Variants in RAP1GAP2 observed in about 807,000 individuals in gnomAD.
RAP1GAP2 encodes the protein RAP1 GTPase activating protein 2, also known as rap1 GTPase-activating protein 2.
RAP1GAP2 carries 27 observed loss-of-function variants against 95.0 expected under a neutral mutation model. The ratio of observed to expected loss-of-function variants is 0.28; its 90% CI spans 0.21 to 0.39. RAP1GAP2 has a LOEUF of 0.39. RAP1GAP2 is among the 10% of genes least tolerant of loss of function. The pLI, the probability that RAP1GAP2 is intolerant of heterozygous loss-of-function variation, is 1.00. For missense variants in RAP1GAP2, 771 were observed against 970.0 expected (o/e 0.79, Z 2.72); for synonymous variants, 373 against 380.9 (o/e 0.98, Z 0.24).
At chr17:3,017,820 C>T (rs553992733) in intron 17 of RAP1GAP2, among the ~76,000 whole-genome samples, 28 of 152,196 alleles carry the variant, frequency 1.8e-4, no homozygotes, top group African/African-American at 4.6e-4. Context: ...TCCCTCCAGC[C>T]GGGGCTGTGC....
At chr17:2,953,279 G>C (rs1202177814) in intron 3 of RAP1GAP2, among the ~76,000 whole-genome samples, 3 of 151,828 alleles carry the variant, frequency 2.0e-5, no homozygotes, top group Non-Finnish European at 4.4e-5. Flanking sequence ...GCTCACTGCA[G>C]CCTTGAACTC....
chr17:2,852,512 AGTCCCTCTCCCCTCTCCACCCAGCATG>A (rs1401593352), intron 2 of RAP1GAP2, among the ~76,000 whole-genome samples: 1 of 152,170 alleles, frequency 6.6e-6, no homozygotes, highest in African/African-American at 2.4e-5. Context: ...ATTCGTTTGC[AGTCCCTCTCCCCTCTCCACCCAGCATG>A]GTCCCCTCCC....
In RAP1GAP2 at chr17:3,020,612, C is replaced by G. The variant is rs774413687; in HGVS notation, c.1751+17C>G. On this transcript the variant is annotated intron_variant, in intron 19 of 24. Coordinates refer to ENST00000254695, the MANE Select transcript of RAP1GAP2 (RefSeq NM_015085.5). ...GGCACGATGGTAACTGTTGGGAAAC[C>G]CCTACCCCAGCCTGACTTGCGGGGT... The G allele has an allele frequency of 1.2e-6, 2 of 1,608,416 alleles. No individual in the cohort carries two copies. Among genetic ancestry groups the G allele is most frequent in the African/African-American group, 1.3e-5 (1 of 74,850 alleles).
intron 19 of RAP1GAP2, among the ~76,000 whole-genome samples, chr17:3,022,638 T>A (rs572875291): frequency 1.3e-5 from 2 of 152,378 alleles, no homozygotes; most frequent in Admixed American, 1.3e-4. Context: ...TATTAATCCT[T>A]GTTGGATGGA....
At chr17:2,888,207 G>A (rs2073568144) in intron 2 of RAP1GAP2, among the ~76,000 whole-genome samples, 2 of 152,172 alleles carry the variant, frequency 1.3e-5, no homozygotes, top group Non-Finnish European at 2.9e-5. Flanking sequence ...TGTATACAAT[G>A]TGTAATCATC....
chr17:2,882,690 A>G (rs971087784), intron 2 of RAP1GAP2, among the ~76,000 whole-genome samples: 13 of 152,084 alleles, frequency 8.5e-5, no homozygotes, highest in African/African-American at 2.9e-4. Flanking sequence ...TTCCTGGAGA[A>G]TGGGTTGCTC....
chr17:2,854,721 TG>T (rs1381679099), intron 2 of RAP1GAP2, among the ~76,000 whole-genome samples: 1 of 152,114 alleles, frequency 6.6e-6, no homozygotes, highest in East Asian at 1.9e-4. Context: ...GTGGGAGGTG[TG>T]GGGTTTGGAG....
chr17:2,847,486 C>T (rs1420309340), intron 2 of RAP1GAP2, among the ~76,000 whole-genome samples: 1 of 152,096 alleles, frequency 6.6e-6, no homozygotes, highest in East Asian at 1.9e-4. Flanking sequence ...AAGCCAGGCA[C>T]AGAAGGCGTT....
intron 1 of RAP1GAP2, among the ~76,000 whole-genome samples, chr17:2,788,032 C>G (rs1167277168): frequency 6.6e-6 from 1 of 152,078 alleles, no homozygotes; most frequent in African/African-American, 2.4e-5. Flanking sequence ...TTTGAATTTG[C>G]TATTATAATG....
chr17:2,872,654 A>C (rs894216566), intron 2 of RAP1GAP2, among the ~76,000 whole-genome samples: 1 of 150,534 alleles, frequency 6.6e-6, no homozygotes, highest in African/African-American at 2.4e-5. Context: ...TCCGTTTTTG[A>C]TACTGACAAC....
At chr17:2,816,231 G>GTTT (rs201197626) in intron 2 of RAP1GAP2, among the ~76,000 whole-genome samples, 2 of 146,614 alleles carry the variant, frequency 1.4e-5, no homozygotes. Context: ...GTGCTGTTTT[G>GTTT]TTTTGTTTTT....
At chr17:2,763,629 G>A (rs2068224757) in intron 1 of RAP1GAP2, among the ~76,000 whole-genome samples, 1 of 152,066 alleles carries the variant, frequency 6.6e-6, no homozygotes, top group Admixed American at 6.6e-5. Context: ...TTGGGAGGTG[G>A]AGGTTGCAAT....
intron 2 of RAP1GAP2, among the ~76,000 whole-genome samples, chr17:2,813,309 T>G (rs2069854392): frequency 6.6e-6 from 1 of 152,078 alleles, no homozygotes; most frequent in Admixed American, 6.6e-5. Context: ...ACTCCTGACC[T>G]CGTGATCTGC....
intron 2 of RAP1GAP2, among the ~76,000 whole-genome samples, chr17:2,880,525 C>T (rs1041937891): frequency 2.0e-5 from 3 of 150,416 alleles, no homozygotes; most frequent in Non-Finnish European, 4.4e-5. Flanking sequence ...TTAAAGTATA[C>T]GGTTCCGTGG....
At chr17:2,921,384 G>A (rs919310646) in intron 3 of RAP1GAP2, among the ~76,000 whole-genome samples, 8 of 151,946 alleles carry the variant, frequency 5.3e-5, no homozygotes, top group African/African-American at 1.9e-4. Context: ...TGTATTTTTA[G>A]TAGAGACGGT....
At chr17:2,841,028 G>A (rs2071353211) in intron 2 of RAP1GAP2, among the ~76,000 whole-genome samples, 1 of 150,898 alleles carries the variant, frequency 6.6e-6, no homozygotes, top group Non-Finnish European at 1.5e-5. Flanking sequence ...GGTGGCTCAC[G>A]CCTGTAATTC....
intron 12 of RAP1GAP2, among the ~76,000 whole-genome samples, chr17:2,992,883 G>A (rs114475501): frequency 1.3e-5 from 2 of 151,882 alleles, no homozygotes; most frequent in Non-Finnish European, 2.9e-5. Flanking sequence ...TAAGTGACTT[G>A]ACCTCTATAA....
chr17:2,868,395 C>A (rs559817049), intron 2 of RAP1GAP2, among the ~76,000 whole-genome samples: 22 of 152,306 alleles, frequency 1.4e-4, no homozygotes, highest in African/African-American at 5.3e-4. Context: ...TGATCTTGAA[C>A]GTACATGGTG....
upstream of RAP1GAP2, chr17:2,777,032 T>C (rs2068519413): frequency 6.6e-6 from 1 of 152,034 alleles, no homozygotes; most frequent in Non-Finnish European, 1.5e-5. Flanking sequence ...TCGGAGCGTG[T>C]GTGGAGTGTG....
Sources: allele counts gnomAD v4.1 joint callset (sites outside exome capture counted in the v4.1 genomes callset), GRCh38; gene constraint gnomAD v4.1.1; transcripts MANE v1.5; gene names NCBI Gene and HGNC (gene_info 2026-07-23, HGNC 2026-07-21).